The following CCDC82 variants were observed in gnomAD, a reference collection of about 807,000 sequenced individuals.
The protein encoded by CCDC82 is coiled-coil domain-containing protein 82.
CCDC82 carries 47 observed loss-of-function variants against 60.6 expected under a neutral mutation model. The observed-to-expected ratio is 0.77, with a 90% CI of 0.61 to 0.99. The LOEUF (loss-of-function observed/expected upper bound fraction) is 0.99, where lower values mean the gene tolerates loss of function less well. Ranked by LOEUF, CCDC82 falls within the 50% of genes least tolerant of loss-of-function variation. The probability of loss-of-function intolerance (pLI) is 0.00; values close to 1 mark genes in which losing one functional copy is unlikely to be tolerated. For missense variants in CCDC82, 588 were observed against 633.0 expected (o/e 0.93, Z 0.76); for synonymous variants, 212 against 207.4 (o/e 1.02, Z -0.19).
intron 5 of CCDC82, among the ~76,000 whole-genome samples, chr11:96,375,453 G>A (rs1453306521): frequency 3.9e-5 from 6 of 152,146 alleles, no homozygotes; most frequent in African/African-American, 1.2e-4. Context: ...ATTTCATTAT[G>A]CTTGAGTAGA....
intron 5 of CCDC82, 171 bp downstream of exon 5, chr11:96,383,098 T>C (rs1865965261): frequency 1.7e-6 from 1 of 571,776 alleles, no homozygotes; most frequent in Non-Finnish European, 3.1e-6. Flanking sequence ...TTGAAAAATG[T>C]AAATGGTTCC....
chr11:96,370,645 G>A (rs1238480135), intron 7 of CCDC82, among the ~76,000 whole-genome samples: 1 of 152,026 alleles, frequency 6.6e-6, no homozygotes, highest in Non-Finnish European at 1.5e-5. Context: ...CACATATAAT[G>A]CTTGGGAAAA....
intron 9 of CCDC82, chr11:96,357,839 A>G (rs1864425076): frequency 1.0e-6 from 1 of 985,414 alleles, no homozygotes; most frequent in Non-Finnish European, 1.2e-6. Flanking sequence ...AAGTACGGAT[A>G]AGCAGGGAGA....
At chr11:96,363,560 A>G (rs1331500296) in intron 8 of CCDC82, 2 of 152,190 alleles carry the variant, frequency 1.3e-5, no homozygotes, top group Non-Finnish European at 2.9e-5. Flanking sequence ...TCAAACTAGC[A>G]TTATTTTTCA....
At chr11:96,374,050 A>C (rs1440460333) in intron 5 of CCDC82, among the ~76,000 whole-genome samples, 1 of 152,214 alleles carries the variant, frequency 6.6e-6, no homozygotes, top group African/African-American at 2.4e-5. Context: ...CACACATGAC[A>C]TCATCTGTTG....
chr11:96,365,326 A>G (rs1436726368), intron 7 of CCDC82, among the ~76,000 whole-genome samples, 176 bp from the exon 8 acceptor site: 1 of 152,166 alleles, frequency 6.6e-6, no homozygotes, highest in Non-Finnish European at 1.5e-5. Context: ...AGATATGTTT[A>G]AATAAAAAAA....
rs1591192621 is a variant in CCDC82, at chr11:96,372,703, T to TATATATACATATATATTTATATATATAA, written c.1084+644_1084+671dup. On this transcript the variant is annotated intron_variant, in intron 6 of 9. Transcript: ENST00000646818. Reference sequence around the variant, plus strand: ...AAATATAAATAAATATATAAAAATATATATATACATATATATTTATATATA... The same window carrying TATATATACATATATATTTATATATATAA: ...AAATATAAATAAATATATAAAAATATATATATACATATATATTTATATATATAAATATATACATATATATTTATATATA... Among the ~76,000 whole-genome samples the TATATATACATATATATTTATATATATAA allele has an allele frequency of 9.0e-5, 13 of 145,022 alleles. No individual in the cohort carries two copies. The East Asian group carries it at 2.5e-3, about 28-fold the overall frequency.
chr11:96,371,850 A>G (rs1307664086), intron 6 of CCDC82, among the ~76,000 whole-genome samples: 2 of 152,174 alleles, frequency 1.3e-5, no homozygotes, highest in East Asian at 1.9e-4. Context: ...CTTCTTTAGC[A>G]TGCTACACTC....
At chr11:96,382,514 C>G (rs1035267721) in intron 5 of CCDC82, 1 of 151,586 alleles carries the variant, frequency 6.6e-6, no homozygotes, top group Non-Finnish European at 1.5e-5. Flanking sequence ...TCCAGTGAAC[C>G]AGTATTTTCC....
At chr11:96,357,076 C>A in intron 9 of CCDC82, 1 of 985,398 alleles carries the variant, frequency 1.0e-6, no homozygotes. Flanking sequence ...CTAAAGGCAG[C>A]ACACATCACA....
chr11:96,377,289 T>C (rs143080875), intron 5 of CCDC82, among the ~76,000 whole-genome samples: 1 of 152,310 alleles, frequency 6.6e-6, no homozygotes, highest in East Asian at 1.9e-4. Flanking sequence ...AAAGTATTTA[T>C]ATCCCTTCTC....
chr11:96,366,145 T>C (rs1864933418), intron 7 of CCDC82, among the ~76,000 whole-genome samples: 1 of 152,232 alleles, frequency 6.6e-6, no homozygotes, highest in Non-Finnish European at 1.5e-5. Flanking sequence ...CATGTTAAGA[T>C]GAAACCTTTA....
At chr11:96,383,894 T>C in intron 4 of CCDC82, 68 bp downstream of exon 4, 2 of 1,417,528 alleles carry the variant, frequency 1.4e-6, no homozygotes, top group Non-Finnish European at 1.9e-6. Context: ...CAGCACTTTT[T>C]TATAAAAATT....
intron 9 of CCDC82, chr11:96,356,932 G>C: frequency 1.0e-6 from 1 of 985,452 alleles, no homozygotes; most frequent in Non-Finnish European, 1.2e-6. Context: ...GGAACAAATA[G>C]TACGTGTAAG....
intron 7 of CCDC82, 91 bp from the exon 8 acceptor site, chr11:96,365,241 A>C: frequency 1.2e-6 from 1 of 830,360 alleles, no homozygotes; most frequent in Non-Finnish European, 1.8e-6. Context: ...TAGGGATTAC[A>C]ATACAAAGAG....
chr11:96,379,986 T>C (rs986928133), intron 5 of CCDC82, among the ~76,000 whole-genome samples: 1 of 151,670 alleles, frequency 6.6e-6, no homozygotes, highest in Non-Finnish European at 1.5e-5. Context: ...GAAAGGAATA[T>C]TACAAACGGA....
chr11:96,353,874 C>CTAACTCATATA (rs1296482040), intron 9 of CCDC82, 160 bp from the exon 10 acceptor site: 2 of 543,816 alleles, frequency 3.7e-6, no homozygotes, highest in Non-Finnish European at 6.5e-6. Flanking sequence ...ATAAGCATTC[C>CTAACTCATATA]TAACTCATAT....
chr11:96,389,704 C>G (rs1008609314), intron 1 of CCDC82, 140 bp downstream of exon 1: 1 of 152,536 alleles, frequency 6.6e-6, no homozygotes, highest in East Asian at 1.9e-4. Context: ...CTCCGGCCCA[C>G]CCAAAGAGCG....
intron 7 of CCDC82, among the ~76,000 whole-genome samples, chr11:96,370,534 C>T (rs982049367): frequency 6.6e-6 from 1 of 152,174 alleles, no homozygotes; most frequent in South Asian, 2.1e-4. Flanking sequence ...AAGCAGGTAA[C>T]AGGTGTTACC....
Sources: gnomAD v4.1 joint callset for allele counts (sites outside exome capture counted in the v4.1 genomes callset) on GRCh38, gnomAD v4.1.1 for gene constraint, MANE v1.5 for transcripts, NCBI Gene and HGNC (gene_info 2026-07-23, HGNC 2026-07-21) for gene names.